The following WDR64 variants were observed in gnomAD, a reference collection of about 807,000 sequenced individuals.
The protein encoded by WDR64 is WD repeat domain 64, also known as WD repeat-containing protein 64.
In WDR64, 112 loss-of-function variants were observed where a neutral mutation model predicts 139.3. The ratio of observed to expected loss-of-function variants is 0.80; its 90% confidence interval spans 0.69 to 0.94. The LOEUF is 0.94. Among genes scored for constraint, WDR64 ranks in the 40% least tolerant of loss-of-function variants. The pLI, the probability that WDR64 is intolerant of heterozygous loss-of-function variation, is 0.00. For synonymous variants in WDR64, 444 were observed against 437.7 expected, an observed-to-expected ratio of 1.01 and a Z score of -0.18; for missense variants, 1,206 against 1,293.1, an observed-to-expected ratio of 0.93 and a Z score of 1.03.
At chr1:241,747,826 A>G (rs778007619) in intron 13 of WDR64, among the ~76,000 whole-genome samples, 12 of 152,224 alleles carry the variant, frequency 7.9e-5, no homozygotes, top group Non-Finnish European at 1.6e-4. Context: ...AAGGCAGGAC[A>G]CAATTACTGT....
At chr1:241,747,678 GA>G (rs1402679733) in intron 13 of WDR64, among the ~76,000 whole-genome samples, 1 of 151,922 alleles carries the variant, frequency 6.6e-6, no homozygotes, top group Non-Finnish European at 1.5e-5. Flanking sequence ...CTGACATCTA[GA>G]AAAAAAGCAA....
chr1:241,675,688 C>G (rs1213323883), intron 4 of WDR64, among the ~76,000 whole-genome samples: 1 of 152,200 alleles, frequency 6.6e-6, no homozygotes, highest in African/African-American at 2.4e-5. Context: ...AAGTAGGGAG[C>G]TTAGTGAGCC....
At chr1:241,716,286 G>GAAAA (rs1491223337) in intron 9 of WDR64, among the ~76,000 whole-genome samples, 5 of 36,470 alleles carry the variant, frequency 1.4e-4, no homozygotes, top group African/African-American at 3.1e-4. Flanking sequence ...AGCTTTTGCA[G>GAAAA]GAAAAAAAAA....
chr1:241,745,109 G>T (rs1455807594), intron 13 of WDR64, among the ~76,000 whole-genome samples: 1 of 152,156 alleles, frequency 6.6e-6, no homozygotes, highest in East Asian at 1.9e-4. Flanking sequence ...GCTACAGACT[G>T]CCCTGCCTTT....
chr1:241,757,688 C>G lies in WDR64; in HGVS notation c.1947+229C>G, dbSNP rs1464271846. On this transcript the variant is annotated intron_variant, in intron 15 of 27. Transcript: ENST00000437684. ...TTTTTTTTTGAGACAGGGTTCTGCT[C>G]TGTTGCCCATGCTACCAACACCTGG... 3.3e-5 allele frequency among the ~76,000 whole-genome samples: 4 copies of G among 120,454 alleles called. No homozygotes were observed. The Admixed American group carries it at 4.1e-4, about 12-fold the overall frequency. 79.0% of individuals were successfully genotyped at this position (120,454 alleles called of 152,430 possible). A position where few individuals can be genotyped will look rare whatever the true frequency, so the allele number is the denominator to read the frequency against.
chr1:241,759,606 T>C (rs1002171009), intron 15 of WDR64, among the ~76,000 whole-genome samples: 1 of 152,210 alleles, frequency 6.6e-6, no homozygotes, highest in African/African-American at 2.4e-5. Context: ...AAGCAAATGA[T>C]AGAATATTAT....
intron 10 of WDR64, among the ~76,000 whole-genome samples, chr1:241,728,358 G>T (rs899777150): frequency 3.3e-5 from 5 of 151,202 alleles, no homozygotes; most frequent in African/African-American, 1.2e-4. Context: ...GAAAAAAAAA[G>T]CAAACTAGGC....
intron 3 of WDR64, among the ~76,000 whole-genome samples, chr1:241,671,476 A>G (rs1192575299): frequency 1.3e-5 from 2 of 152,210 alleles, no homozygotes; most frequent in African/African-American, 4.8e-5. Flanking sequence ...TGATGTCACA[A>G]TAATGCATGC....
intron 13 of WDR64, among the ~76,000 whole-genome samples, chr1:241,748,978 AAAG>A (rs144513858): frequency 0.059 from 8,906 of 151,786 alleles, 409 homozygotes; most frequent in Non-Finnish European, 0.087. Context: ...AAAGAAAAGA[AAAG>A]AAAAGAAAAA....
At chr1:241,697,088 T>C (rs1245683096) in intron 8 of WDR64, among the ~76,000 whole-genome samples, 1 of 152,188 alleles carries the variant, frequency 6.6e-6, no homozygotes, top group Non-Finnish European at 1.5e-5. Context: ...TTACACCCTA[T>C]CTGCTCACTG....
In WDR64 at chr1:241,784,953, G is replaced by GAAAAAAAAAAAAAA. The variant is rs58720618; in HGVS notation, c.2705+1582_2705+1595dup. Among the ~76,000 whole-genome samples, 226 of 62,196 alleles carry GAAAAAAAAAAAAAA rather than the reference G, an allele frequency of 3.6e-3. 2 individuals are homozygous for GAAAAAAAAAAAAAA. Among genetic ancestry groups the GAAAAAAAAAAAAAA allele is most frequent in the South Asian group, 1.0e-2 (11 of 1,104 alleles). The allele number at this position is 62,196 out of a possible 152,430, so 40.8% of individuals were successfully genotyped here. A position where few individuals can be genotyped will look rare whatever the true frequency, so the allele number is the denominator to read the frequency against. On this transcript the variant is annotated intron_variant, in intron 23 of 27. Transcript: ENST00000437684. ...TGGGCGACAGAGTGAGACTCTGTCT[G>GAAAAAAAAAAAAAA]AAAAAAAAAAAAAAAAAAAAAAAGA...
chr1:241,662,496 C>T (rs1665869229), intron 2 of WDR64, among the ~76,000 whole-genome samples: 1 of 152,180 alleles, frequency 6.6e-6, no homozygotes, highest in Admixed American at 6.5e-5. Flanking sequence ...TCTATACTGG[C>T]AGTTCACAAC....
chr1:241,690,363 C>G (rs529424333), intron 8 of WDR64, among the ~76,000 whole-genome samples: 1 of 151,720 alleles, frequency 6.6e-6, no homozygotes, highest in Admixed American at 6.6e-5. Context: ...CCCAGCTACT[C>G]AGGAGGCTGA....
At chr1:241,781,622 A>T (rs942563753) in intron 22 of WDR64, among the ~76,000 whole-genome samples, 1 of 152,274 alleles carries the variant, frequency 6.6e-6, no homozygotes, top group Non-Finnish European at 1.5e-5. Context: ...CTCCACAGAA[A>T]GAGAGACCAC....
intron 12 of WDR64, 95 bp from the exon 13 acceptor site, chr1:241,744,298 C>A: frequency 6.7e-7 from 1 of 1,484,620 alleles, no homozygotes; most frequent in Non-Finnish European, 9.2e-7. Flanking sequence ...GTACAGAGTT[C>A]CATTTTTGAG....
Position 241,771,661 on chromosome 1 carries a change from G to C in WDR64, c.2254G>C (p.Gly752Arg). Residue 752 changes from glycine to arginine, a missense_variant and splice_region_variant, in exon 19 of 28, where the codon GGA becomes CGA. Coordinates refer to ENST00000437684, the MANE Select transcript of WDR64 (RefSeq NM_001367482.1). Reference protein sequence around the residue: ...ESSKGPQSSKGSKQSIHDSEV... With the variant: ...ESSKGPQSSKRSKQSIHDSEV... The stretch of plus-strand genomic sequence containing the variant: ...TTTCTCTTTTCCTCCCATAATTCAG[G>C]GAAGCAAGCAAAGCATACATGACAG... 1 of 1,496,366 alleles carries C rather than the reference G, an allele frequency of 6.7e-7. No individual in the cohort carries two copies. The highest frequency in any genetic ancestry group is 8.9e-7 in the Non-Finnish European group (1 of 1,119,612). 92.7% of individuals were successfully genotyped at this position (1,496,366 alleles called of 1,614,324 possible).
At chr1:241,675,433 G>T in intron 4 of WDR64, among the ~76,000 whole-genome samples, 1 of 152,012 alleles carries the variant, frequency 6.6e-6, no homozygotes, top group Admixed American at 6.6e-5. Flanking sequence ...TAGTAATGAG[G>T]AGATTGCTGT....
rs190552458 is a variant in WDR64, at chr1:241,779,935, C to T, written c.2537-69C>T. 9.0e-6 allele frequency: 11 copies of T among 1,224,484 alleles called. No individual in the cohort carries two copies. The East Asian group carries it at 2.9e-4, about 33-fold the overall frequency. 75.9% of individuals were successfully genotyped at this position (1,224,484 alleles called of 1,614,324 possible). On this transcript the variant is annotated intron_variant, in intron 21 of 27. Coordinates refer to ENST00000437684, the MANE Select transcript of WDR64 (RefSeq NM_001367482.1). ...ATTATAAATACCTAAATCAAAATAA[C>T]TTTTGGATAGTATTGATTTAGATAA...
At chr1:241,716,116 G>A (rs1435887701) in intron 9 of WDR64, among the ~76,000 whole-genome samples, 2 of 152,060 alleles carry the variant, frequency 1.3e-5, no homozygotes, top group Non-Finnish European at 2.9e-5. Context: ...ATTTTTCTCA[G>A]GAGAGTACTC....
Sources: gnomAD v4.1 joint callset for allele counts (sites outside exome capture counted in the v4.1 genomes callset) on GRCh38, gnomAD v4.1.1 for gene constraint, MANE v1.5 for transcripts, NCBI Gene and HGNC (gene_info 2026-07-23, HGNC 2026-07-21) for gene names.